MYO5A: variants seen among roughly 807,000 people sequenced by gnomAD.
The protein encoded by MYO5A is myosin VA.
In MYO5A, 98 loss-of-function variants were observed where a neutral mutation model predicts 249.7. The ratio of observed to expected loss-of-function variants is 0.39; its 90% CI spans 0.33 to 0.46. The LOEUF is 0.46. MYO5A is among the 20% of genes least tolerant of loss of function. The pLI is 0.98. For synonymous variants in MYO5A, 778 were observed against 810.6 expected, an observed-to-expected ratio of 0.96 and a Z score of 0.68; for missense variants, 1,696 against 2,308.8, an observed-to-expected ratio of 0.73 and a Z score of 5.44.
chr15:52,384,501 A>G (rs1339708270), intron 14 of MYO5A, among the ~76,000 whole-genome samples, 179 bp from the exon 15 acceptor site: 1 of 152,172 alleles, frequency 6.6e-6, no homozygotes, highest in African/African-American at 2.4e-5. Flanking sequence ...GGTAAGTGCT[A>G]TACAAAAATA....
At chr15:52,327,755 A>T in intron 36 of MYO5A, 97 bp downstream of exon 36, 1 of 1,289,716 alleles carries the variant, frequency 7.8e-7, no homozygotes, top group Admixed American at 1.7e-5. Flanking sequence ...TTTAATAACA[A>T]GCAACTTAGC....
intron 35 of MYO5A, chr15:52,329,015 T>A (rs1416443402): frequency 6.6e-6 from 1 of 152,256 alleles, no homozygotes. Context: ...TCACTCTTTA[T>A]TCTTTTTACT....
intron 1 of MYO5A, among the ~76,000 whole-genome samples, chr15:52,475,948 T>C (rs948621963): frequency 6.6e-6 from 1 of 152,196 alleles, no homozygotes; most frequent in Non-Finnish European, 1.5e-5. Flanking sequence ...ATATCCTTAT[T>C]AACTTTCTGT....
At chr15:52,455,566 A>C (rs2076100989) in intron 1 of MYO5A, among the ~76,000 whole-genome samples, 1 of 152,158 alleles carries the variant, frequency 6.6e-6, no homozygotes, top group Non-Finnish European at 1.5e-5. Context: ...CTCAAAAAAA[A>C]TACTAGCCCA....
chr15:52,429,940 G>A (rs1595667334), intron 2 of MYO5A, among the ~76,000 whole-genome samples: 1 of 152,014 alleles, frequency 6.6e-6, no homozygotes, highest in Non-Finnish European at 1.5e-5. Context: ...ACGGCTTCAT[G>A]GCACAGCCAA....
At chr15:52,449,260 C>T (rs769236703) in intron 1 of MYO5A, among the ~76,000 whole-genome samples, 3 of 152,024 alleles carry the variant, frequency 2.0e-5, no homozygotes, top group Admixed American at 6.6e-5. Context: ...TGAGCCACTG[C>T]GCCCGGCCTC....
At chr15:52,434,753 C>T (rs1369492242) in intron 1 of MYO5A, among the ~76,000 whole-genome samples, 1 of 152,186 alleles carries the variant, frequency 6.6e-6, no homozygotes, top group Admixed American at 6.5e-5. Flanking sequence ...CTTTAAAACA[C>T]ACATACACTA....
At chr15:52,476,429 G>C (rs987587712) in intron 1 of MYO5A, among the ~76,000 whole-genome samples, 2 of 152,160 alleles carry the variant, frequency 1.3e-5, no homozygotes, top group African/African-American at 4.8e-5. Context: ...ATTTGATCCT[G>C]TCATTATGAT....
Position 52,364,702 on chromosome 15 carries a change from T to A in MYO5A, c.3161A>T (p.Glu1054Val). The change falls in exon 24 of 42, where the codon GAA (glutamate) becomes GTA (valine). Residue 1054 changes from glutamate (E) to valine (V), a missense_variant and splice_region_variant. Around this residue, in one of 5 missense-constraint regions of MYO5A, gnomAD observed 412 missense variants for 453.3 expected, o/e 0.91. Coordinates refer to ENST00000399233, the MANE Select transcript of MYO5A (RefSeq NM_001382347.1). Reference protein sequence around the residue: ...RIVQQAKEMTETMEKKLVEET... With the variant: ...RIVQQAKEMTVTMEKKLVEET... The stretch of plus-strand genomic sequence containing the variant: ...TTCTACTAACTTCTTCTCCATAGTT[T>A]CTGAAATTAAAAAAAGGATATGCAT... The A allele has an allele frequency of 6.2e-7, 1 of 1,613,562 alleles. No homozygotes were observed. Among genetic ancestry groups the A allele is most frequent in the Non-Finnish European group, 8.5e-7 (1 of 1,179,814 alleles).
At chr15:52,348,626 GCCTACTATAA>G (rs1163282248) in intron 29 of MYO5A, among the ~76,000 whole-genome samples, 182 bp downstream of exon 29, 19 of 152,208 alleles carry the variant, frequency 1.2e-4, no homozygotes, top group African/African-American at 4.6e-4. Flanking sequence ...CTAGACTGGA[GCCTACTATAA>G]CCACTGTTTC....
At chr15:52,366,173 A>T (rs1441226434) in intron 23 of MYO5A, among the ~76,000 whole-genome samples, 2 of 152,098 alleles carry the variant, frequency 1.3e-5, no homozygotes, top group Non-Finnish European at 2.9e-5. Context: ...CTCCATGTTG[A>T]GGTCCTAGCT....
chr15:52,358,839 A>G (rs375049337), intron 25 of MYO5A, among the ~76,000 whole-genome samples: 1 of 152,208 alleles, frequency 6.6e-6, no homozygotes, highest in Non-Finnish European at 1.5e-5. Flanking sequence ...ATAGCAATAG[A>G]TAACTGGAAA....
At chr15:52,411,390 A>G (rs1336828167) in intron 5 of MYO5A, among the ~76,000 whole-genome samples, 3 of 152,244 alleles carry the variant, frequency 2.0e-5, no homozygotes, top group African/African-American at 7.2e-5. Context: ...TTGGATTTTG[A>G]TAGTTAAATC....
chr15:52,447,396 C>G (rs576325315), intron 1 of MYO5A, among the ~76,000 whole-genome samples: 2 of 152,300 alleles, frequency 1.3e-5, no homozygotes, highest in Non-Finnish European at 2.9e-5. Flanking sequence ...TTCTGTACAT[C>G]CTGCAGAACC....
intron 20 of MYO5A, 26 bp from the exon 21 acceptor site, chr15:52,372,389 A>G (rs2041172226): frequency 6.3e-7 from 1 of 1,598,936 alleles, no homozygotes; most frequent in Non-Finnish European, 8.5e-7. Flanking sequence ...AGGGCAAGCA[A>G]TGTCAAGACC....
At chr15:52,383,975 T>C (rs1467040862) in intron 15 of MYO5A, among the ~76,000 whole-genome samples, 186 bp downstream of exon 15, 1 of 152,352 alleles carries the variant, frequency 6.6e-6, no homozygotes, top group Non-Finnish European at 1.5e-5. Flanking sequence ...GAAAGGCTTA[T>C]GCAGAGTCAC....
In MYO5A at chr15:52,499,275, T is replaced by C. The variant is rs117684643; in HGVS notation, c.27+29505A>G. Among the ~76,000 whole-genome samples the C allele has an allele frequency of 9.7e-3, 1,472 of 152,376 alleles. 14 individuals are homozygous for C. Among genetic ancestry groups the C allele is most frequent in the Non-Finnish European group, 0.012 (838 of 68,036 alleles). ...GCAAAGAGGATGGCCAAGAAAAGGTTAGAAGATTCTGAAGCATTAATGGAT... is the reference window on the plus strand; with the variant it reads ...GCAAAGAGGATGGCCAAGAAAAGGTCAGAAGATTCTGAAGCATTAATGGAT... On this transcript the variant is annotated intron_variant, in intron 1 of 41. Coordinates refer to ENST00000399233, the MANE Select transcript of MYO5A (RefSeq NM_001382347.1).
chr15:52,451,691 C>T (rs533446544), intron 1 of MYO5A, among the ~76,000 whole-genome samples: 31 of 152,142 alleles, frequency 2.0e-4, no homozygotes, highest in Non-Finnish European at 3.5e-4. Flanking sequence ...GATCAAGCCT[C>T]GAGATTTTCT....
intron 1 of MYO5A, among the ~76,000 whole-genome samples, chr15:52,489,592 A>G (rs1052340646): frequency 1.3e-5 from 2 of 151,888 alleles, no homozygotes; most frequent in Non-Finnish European, 2.9e-5. Context: ...ACCTCTGTGC[A>G]TCAAAGGGCA....
Sources: gnomAD v4.1 joint callset for allele counts (sites outside exome capture counted in the v4.1 genomes callset) on GRCh38, gnomAD v4.1.1 for gene constraint, gnomAD v4.1.1 regional missense constraint, MANE v1.5 for transcripts, NCBI Gene and HGNC (gene_info 2026-07-23, HGNC 2026-07-21) for gene names.